Variants in PROZ observed in about 807,000 individuals in gnomAD.
PROZ encodes the protein protein Z, vitamin K dependent plasma glycoprotein.
PROZ carries 46 observed loss-of-function variants against 34.9 expected under a neutral mutation model. That is an observed-to-expected ratio of 1.32 (90% CI 1.04 to 1.69). The LOEUF (loss-of-function observed/expected upper bound fraction) is 1.69. Ranked by LOEUF, PROZ falls within the 40% of genes most tolerant of loss-of-function variation. The probability of loss-of-function intolerance (pLI) is 0.00; values close to 1 mark genes in which losing one functional copy is unlikely to be tolerated. For synonymous variants in PROZ, 195 were observed against 208.5 expected, an observed-to-expected ratio of 0.94 and a Z score of 0.56; for missense variants, 530 against 520.4, an observed-to-expected ratio of 1.02 and a Z score of -0.18.
intron 4 of PROZ, among the ~76,000 whole-genome samples, chr13:113,164,258 A>T (rs148119789): frequency 1.3e-5 from 2 of 151,986 alleles, no homozygotes. Context: ...GATTACAGGC[A>T]TGAGCCACCG....
intron 6 of PROZ, among the ~76,000 whole-genome samples, chr13:113,168,237 G>A (rs1595123141): frequency 1.3e-5 from 2 of 152,344 alleles, no homozygotes; most frequent in East Asian, 3.8e-4. Flanking sequence ...TTAATGGGAT[G>A]TCATAACCTT....
intron 3 of PROZ, among the ~76,000 whole-genome samples, chr13:113,161,655 G>T (rs945879757): frequency 5.3e-5 from 8 of 152,122 alleles, no homozygotes; most frequent in African/African-American, 1.9e-4. Context: ...GGGAGGCACT[G>T]GCAGCCAGGC....
chr13:113,167,051 C>T (rs1316136203), intron 6 of PROZ, among the ~76,000 whole-genome samples: 2 of 152,140 alleles, frequency 1.3e-5, no homozygotes, highest in African/African-American at 4.8e-5. Flanking sequence ...AGTTATTTAA[C>T]TGAATATATG....
In PROZ at chr13:113,171,610, C is replaced by T. The variant is rs1455473165; in HGVS notation, c.708C>T (p.Ser236=). ...ITVKTYFNRT[S]QDPLMIKITH... ...TGATTTCAGATTTTAACAGAACGAG[C>T]CAAGACCCGCTGATGATCAAGATAA... Residue 236 remains serine (S), a synonymous_variant, in exon 8 of 8, where the codon AGC becomes AGT. Transcript: ENST00000375547. This position sits in a 1 kb window ranked among gnomAD's most constrained non-coding sequence, Gnocchi z 5.1. The T allele has an allele frequency of 1.2e-6, 2 of 1,614,032 alleles. No homozygotes were observed. Among genetic ancestry groups the T allele is most frequent in the East Asian group, 4.5e-5 (2 of 44,898 alleles).
rs751158855 is a variant in PROZ, at chr13:113,165,079, T to C, written c.532T>C (p.Ser178Pro). Reference sequence around the variant, plus strand: ...CCAGTGTGCCTGCGGGGTGCTGACCTCTGAGAAGCGTGCACCGGATCTACA... The same window carrying C: ...CCAGTGTGCCTGCGGGGTGCTGACCCCTGAGAAGCGTGCACCGGATCTACA... Reference protein sequence around the residue: ...HDQCACGVLTSEKRAPDLQDL... With the variant: ...HDQCACGVLTPEKRAPDLQDL... Residue 178 changes from serine (S) to proline (P), a missense_variant, in exon 6 of 8, where the codon TCT becomes CCT. Transcript: ENST00000375547. 3.1e-6 allele frequency: 5 copies of C among 1,613,102 alleles called. No homozygotes were observed. Among genetic ancestry groups the C allele is most frequent in the South Asian group, 1.1e-5 (1 of 91,088 alleles).
At chr13:113,168,282 G>A (rs1303991156) in intron 6 of PROZ, among the ~76,000 whole-genome samples, 5 of 151,408 alleles carry the variant, frequency 3.3e-5, no homozygotes, top group Non-Finnish European at 7.4e-5. Context: ...GTAAATCCAG[G>A]CCTCCCTCTG....
intron 4 of PROZ, among the ~76,000 whole-genome samples, chr13:113,164,189 A>C (rs1213916803): frequency 6.6e-6 from 1 of 152,084 alleles, no homozygotes; most frequent in Non-Finnish European, 1.5e-5. Context: ...CATGTTGGCC[A>C]GGCTGGTCTT....
Position 113,159,911 on chromosome 13 carries a change from G to A in PROZ, c.71-103G>A, listed in dbSNP as rs3024719. The A allele has an allele frequency of 0.18, 251,327 of 1,408,294 alleles. 26,468 individuals carry two copies. Among genetic ancestry groups the A allele is most frequent in the South Asian group, 0.39 (33,341 of 86,450 alleles). 87.2% of individuals were successfully genotyped at this position (1,408,294 alleles called of 1,614,324 possible). A position where few individuals can be genotyped will look rare whatever the true frequency, so the allele number is the denominator to read the frequency against. On this transcript the variant is annotated intron_variant, in intron 1 of 7. Coordinates refer to ENST00000375547, the MANE Select transcript of PROZ (RefSeq NM_003891.3). This position sits in a 1 kb window ranked among gnomAD's most constrained non-coding sequence, Gnocchi z 4.6. ...TCGCAGGCTGAGAGCCTGTGGAGAC[G>A]GACGGGGCTGGGGCTGGCGGCCGGC... is the stretch of plus-strand genomic sequence containing the variant.
rs3024716 is a variant in PROZ at position 113,159,398 on chromosome 13, C to G, written c.71-616C>G. On this transcript the variant is annotated intron_variant, in intron 1 of 7. Transcript: ENST00000375547. The surrounding 1 kb of genome is among the most constrained non-coding windows in gnomAD (Gnocchi z 4.6). ...CGTAGCCGGACTTAGCTGAGCCCCCCCTGCTGTAACCCTCAGCACCGAGAG... is the reference window on the plus strand; with the variant it reads ...CGTAGCCGGACTTAGCTGAGCCCCCGCTGCTGTAACCCTCAGCACCGAGAG... 7.6e-5 allele frequency: 69 copies of G among 902,906 alleles called. No homozygotes were observed. The highest frequency in any genetic ancestry group is 2.4e-4 in the East Asian group (9 of 37,886). The allele number at this position is 902,906 out of a possible 1,614,324, so 55.9% of individuals were successfully genotyped here.
chr13:113,159,466 G>T lies in PROZ; in HGVS notation c.71-548G>T, dbSNP rs572052676. On this transcript the variant is annotated intron_variant, in intron 1 of 7. Transcript: ENST00000375547. This position sits in a 1 kb window ranked among gnomAD's most constrained non-coding sequence, Gnocchi z 4.6. ...GAAGGGCCTGGGCTTTGACCCTCCC[G>T]GAGAGGGAGAGAACATGCTTTGGGA... Among the ~76,000 whole-genome samples, 1 of 152,072 alleles carries T rather than the reference G, an allele frequency of 6.6e-6. No individual in the cohort carries two copies. Among genetic ancestry groups the T allele is most frequent in the African/African-American group, 2.4e-5 (1 of 41,404 alleles).
intron 4 of PROZ, among the ~76,000 whole-genome samples, chr13:113,163,384 C>T (rs990209428): frequency 1.1e-4 from 16 of 152,226 alleles, no homozygotes; most frequent in Admixed American, 4.6e-4. Context: ...TCTCCTCCCC[C>T]CACCACCTCA....
intron 3 of PROZ, among the ~76,000 whole-genome samples, chr13:113,161,489 G>T (rs2036758602): frequency 6.6e-6 from 1 of 152,152 alleles, no homozygotes; most frequent in Admixed American, 6.5e-5. Context: ...GGACCCACCT[G>T]GGAATGAGTA....
chr13:113,165,076 A>G lies in PROZ; in HGVS notation c.529A>G (p.Thr177Ala). Residue 177 changes from threonine (T) to alanine (A), a missense_variant, in exon 6 of 8, where the codon ACC becomes GCC. Thr to Ala is a moderately conservative substitution (Grantham distance 58). Transcript: ENST00000375547. ...AGACCAGTGTGCCTGCGGGGTGCTG[A>G]CCTCTGAGAAGCGTGCACCGGATCT... ...PHDQCACGVLTSEKRAPDLQD... is the reference protein window; with the variant it reads ...PHDQCACGVLASEKRAPDLQD... The G allele has an allele frequency of 6.2e-7, 1 of 1,613,050 alleles. No individual in the cohort carries two copies. The highest frequency in any genetic ancestry group is 8.5e-7 in the Non-Finnish European group (1 of 1,179,992).
At chr13:113,160,860 C>A in intron 2 of PROZ, 88 bp from the exon 3 acceptor site, 1 of 1,205,808 alleles carries the variant, frequency 8.3e-7, no homozygotes, top group Non-Finnish European at 1.2e-6. Flanking sequence ...ATAAAATCAA[C>A]ATTTTCTTAC....
rs779293577 is a variant in PROZ at position 113,164,840 on chromosome 13, G to A, written c.505+196G>A. ...CAGTTTCTGTCACTAGTGCTTGCTC[G>A]GACCACTCTGAGCTAAACCATGAGT... On this transcript the variant is annotated intron_variant, in intron 5 of 7. Transcript: ENST00000375547. 3.3e-5 allele frequency among the ~76,000 whole-genome samples: 5 copies of A among 152,316 alleles called. No individual in the cohort carries two copies. The highest frequency in any genetic ancestry group is 7.2e-5 in the African/African-American group (3 of 41,562).
At chr13:113,165,007 T>G (rs781124904) in intron 5 of PROZ, 46 bp from the exon 6 acceptor site, 26 of 1,579,834 alleles carry the variant, frequency 1.6e-5, no homozygotes, top group Admixed American at 8.3e-5. Flanking sequence ...CGATATTCGC[T>G]GAGAAGGCGC....
intron 3 of PROZ, 118 bp downstream of exon 3, chr13:113,161,090 C>T (rs561432347): frequency 1.1e-6 from 1 of 920,198 alleles, no homozygotes; most frequent in South Asian, 1.3e-5. Flanking sequence ...GCTCCAGGAC[C>T]CACGGTGTCT....
chr13:113,159,625 C>T lies in PROZ; in HGVS notation c.71-389C>T, dbSNP rs1566926119. ...TGTTTTATCAAGATGTTAAATGCTGCGCACAGAGGCAGCACAGGAGCTGAT... is the reference window on the plus strand; with the variant it reads ...TGTTTTATCAAGATGTTAAATGCTGTGCACAGAGGCAGCACAGGAGCTGAT... On this transcript the variant is annotated intron_variant, in intron 1 of 7. Coordinates refer to ENST00000375547, the MANE Select transcript of PROZ (RefSeq NM_003891.3). The surrounding 1 kb of genome is among the most constrained non-coding windows in gnomAD (Gnocchi z 4.6). Among the ~76,000 whole-genome samples, 1 of 152,212 alleles carries T rather than the reference C, an allele frequency of 6.6e-6. No individual in the cohort carries two copies. Among genetic ancestry groups the T allele is most frequent in the African/African-American group, 2.4e-5 (1 of 41,458 alleles).
chr13:113,159,169 C>A lies in PROZ; in HGVS notation c.70+439C>A. The A allele has an allele frequency of 6.9e-7, 1 of 1,458,382 alleles. No homozygotes were observed. The highest frequency in any genetic ancestry group is 9.4e-7 in the Non-Finnish European group (1 of 1,063,018). 90.3% of individuals were successfully genotyped at this position (1,458,382 alleles called of 1,614,324 possible). A position where few individuals can be genotyped will look rare whatever the true frequency, so the allele number is the denominator to read the frequency against. On this transcript the variant is annotated intron_variant, in intron 1 of 7. Coordinates refer to ENST00000375547, the MANE Select transcript of PROZ (RefSeq NM_003891.3). The surrounding 1 kb of genome is among the most constrained non-coding windows in gnomAD (Gnocchi z 4.6). ...GGAGACATAGCCAGGGAGCAGCCAC[C>A]CTGCCTGCCTGCCACCCTTCTACCA...
Sources: allele counts gnomAD v4.1 joint callset (sites outside exome capture counted in the v4.1 genomes callset), GRCh38; gene constraint gnomAD v4.1.1; non-coding constraint Gnocchi (gnomAD v3.1); transcripts MANE v1.5; gene names NCBI Gene and HGNC (gene_info 2026-07-23, HGNC 2026-07-21).